Variants in LRFN2 observed in about 807,000 individuals in gnomAD.
LRFN2 encodes leucine rich repeat and fibronectin type III domain containing 2.
Under a neutral mutation model 37.3 loss-of-function variants are expected in LRFN2, and 18 were observed. The observed-to-expected ratio is 0.48, with a 90% confidence interval of 0.33 to 0.72. LRFN2 has a LOEUF of 0.72. Ranked by LOEUF, LRFN2 falls within the 30% of genes least tolerant of loss-of-function variation. The probability of loss-of-function intolerance (pLI) is 0.02; values close to 1 mark genes in which losing one functional copy is unlikely to be tolerated. For synonymous variants in LRFN2, 556 were observed against 466.6 expected (o/e 1.19, Z -2.47); for missense variants, 1,006 against 1,060.7 (o/e 0.95, Z 0.72).
intron 1 of LRFN2, among the ~76,000 whole-genome samples, chr6:40,437,494 T>A (rs1763713711): frequency 6.6e-6 from 1 of 152,134 alleles, no homozygotes; most frequent in Non-Finnish European, 1.5e-5. Flanking sequence ...AACCACAGTT[T>A]GAAAAAAGTT....
chr6:40,404,404 G>T (rs975953192), intron 2 of LRFN2, among the ~76,000 whole-genome samples: 1 of 152,120 alleles, frequency 6.6e-6, no homozygotes, highest in South Asian at 2.1e-4. Context: ...CAAATGAAAT[G>T]AATATTCTAC....
At chr6:40,497,399 C>A (rs1381895221) in intron 1 of LRFN2, among the ~76,000 whole-genome samples, 2 of 152,164 alleles carry the variant, frequency 1.3e-5, no homozygotes, top group Non-Finnish European at 2.9e-5. Flanking sequence ...CTCTGCCCCC[C>A]ATTCTCTCTT....
At chr6:40,555,371 C>A (rs981791181) in intron 1 of LRFN2, among the ~76,000 whole-genome samples, 1 of 152,136 alleles carries the variant, frequency 6.6e-6, no homozygotes, top group African/African-American at 2.4e-5. Context: ...GGTGAGGAGA[C>A]CCTCCTCCTC....
chr6:40,431,595 T>A, intron 2 of LRFN2, 119 bp downstream of exon 2: 1 of 793,760 alleles, frequency 1.3e-6, no homozygotes, highest in Non-Finnish European at 1.9e-6. Flanking sequence ...TGCCCCAGAA[T>A]CCCCACAGAC....
At chr6:40,562,125 A>G (rs1767004677) in intron 1 of LRFN2, among the ~76,000 whole-genome samples, 1 of 152,226 alleles carries the variant, frequency 6.6e-6, no homozygotes, top group African/African-American at 2.4e-5. Flanking sequence ...AGGATCATTT[A>G]AAAATCAACA....
chr6:40,494,601 C>T (rs1765178856), intron 1 of LRFN2, among the ~76,000 whole-genome samples: 1 of 152,142 alleles, frequency 6.6e-6, no homozygotes, highest in South Asian at 2.1e-4. Context: ...TGGCAGATTA[C>T]CTGTTCAACA....
intron 1 of LRFN2, among the ~76,000 whole-genome samples, chr6:40,494,712 T>C (rs902370396): frequency 3.9e-5 from 6 of 152,112 alleles, no homozygotes; most frequent in Non-Finnish European, 5.9e-5. Context: ...TCATCATCCA[T>C]AACACCTCAC....
chr6:40,433,518 A>G (rs192783754), intron 1 of LRFN2, among the ~76,000 whole-genome samples: 1 of 152,052 alleles, frequency 6.6e-6, no homozygotes, highest in African/African-American at 2.4e-5. Flanking sequence ...GGATGGATGG[A>G]TGGGTGGATG....
chr6:40,476,445 T>G (rs1475860159), intron 1 of LRFN2, among the ~76,000 whole-genome samples: 2 of 152,236 alleles, frequency 1.3e-5, no homozygotes, highest in African/African-American at 4.8e-5. Flanking sequence ...TTCTCTTGTG[T>G]GTATGCATCA....
intron 1 of LRFN2, among the ~76,000 whole-genome samples, chr6:40,518,847 T>G (rs12214558): frequency 0.069 from 10,561 of 152,260 alleles, 490 homozygotes; most frequent in South Asian, 0.11. Flanking sequence ...AGAGAAGTGA[T>G]GCTTGAACTG....
chr6:40,487,927 T>G (rs1765002977), intron 1 of LRFN2, among the ~76,000 whole-genome samples: 1 of 152,142 alleles, frequency 6.6e-6, no homozygotes, highest in Non-Finnish European at 1.5e-5. Context: ...TTGAGCCTGG[T>G]GTGGGGTGGA....
intron 1 of LRFN2, among the ~76,000 whole-genome samples, chr6:40,559,964 C>T (rs11757640): frequency 0.47 from 72,110 of 151,930 alleles, 18,162 homozygotes; most frequent in African/African-American, 0.65. Flanking sequence ...CATGCCAAGG[C>T]GAGTTCTAAC....
intron 1 of LRFN2, among the ~76,000 whole-genome samples, chr6:40,489,250 A>T (rs932181210): frequency 1.3e-5 from 2 of 152,214 alleles, no homozygotes; most frequent in Admixed American, 1.3e-4. Flanking sequence ...AAACACGAAC[A>T]ACAGAACAAT....
intron 1 of LRFN2, among the ~76,000 whole-genome samples, chr6:40,568,739 G>T (rs1308090593): frequency 1.1e-5 from 1 of 87,658 alleles, no homozygotes; most frequent in African/African-American, 4.7e-5. Context: ...TTCCTTTTTT[G>T]AGACGGAGTT....
chr6:40,544,903 G>A (rs925918402), intron 1 of LRFN2, among the ~76,000 whole-genome samples: 3 of 152,140 alleles, frequency 2.0e-5, no homozygotes, highest in Non-Finnish European at 2.9e-5. Flanking sequence ...GAGCAAATGC[G>A]CAGCTGTGAT....
rs201921958 is a variant in LRFN2, at chr6:40,432,790, G to A, written c.324C>T (p.Asp108=). Residue 108 remains aspartate (D), a synonymous_variant, in exon 2 of 3, where the codon GAC becomes GAT. Transcript: ENST00000338305. Reference sequence around the variant, plus strand: ...CCCCAAGGCTTGGCAGCCGATTGCTGTCAAGATGCAGGGAGCGGAGGCTCT... The same window carrying A: ...CCCCAAGGCTTGGCAGCCGATTGCTATCAAGATGCAGGGAGCGGAGGCTCT... ...DLESLRSLHL[D]SNRLPSLGED... The A allele has an allele frequency of 4.5e-5, 72 of 1,614,106 alleles. No homozygotes were observed. Among genetic ancestry groups the A allele is most frequent in the Non-Finnish European group, 5.9e-5 (70 of 1,180,050 alleles).
At chr6:40,562,587 G>T (rs1767018805) in intron 1 of LRFN2, among the ~76,000 whole-genome samples, 1 of 152,126 alleles carries the variant, frequency 6.6e-6, no homozygotes, top group Non-Finnish European at 1.5e-5. Flanking sequence ...AGAAGCAAGA[G>T]CTCATGGGAG....
At chr6:40,557,225 G>C (rs1016992361) in intron 1 of LRFN2, among the ~76,000 whole-genome samples, 10 of 152,242 alleles carry the variant, frequency 6.6e-5, no homozygotes, top group African/African-American at 2.4e-4. Flanking sequence ...ACCTTTTGCG[G>C]ATTCCAAGGA....
intron 1 of LRFN2, among the ~76,000 whole-genome samples, chr6:40,460,752 C>T (rs1281903604): frequency 6.6e-6 from 1 of 152,162 alleles, no homozygotes; most frequent in Non-Finnish European, 1.5e-5. Flanking sequence ...TGGGATAGAT[C>T]ACCACAGAAA....
Sources: allele counts gnomAD v4.1 joint callset (sites outside exome capture counted in the v4.1 genomes callset), GRCh38; gene constraint gnomAD v4.1.1; transcripts MANE v1.5; gene names NCBI Gene and HGNC (gene_info 2026-07-23, HGNC 2026-07-21).